The following SNED1 variants were observed in gnomAD, a reference collection of about 807,000 sequenced individuals.
SNED1 encodes the protein sushi, nidogen and EGF like domains 1, also known as sushi, nidogen and EGF-like domain-containing protein 1.
A neutral mutation model predicts 166.7 loss-of-function variants in SNED1; 81 were observed. That is an observed-to-expected ratio of 0.49 (90% confidence interval 0.41 to 0.58). SNED1 has a LOEUF of 0.58. Ranked by LOEUF, SNED1 falls within the 20% of genes least tolerant of loss-of-function variation. The pLI, the probability that SNED1 is intolerant of heterozygous loss-of-function variation, is 0.00. For synonymous variants in SNED1, 762 were observed against 822.0 expected, an observed-to-expected ratio of 0.93 and a Z score of 1.25; for missense variants, 1,604 against 2,000.2, an observed-to-expected ratio of 0.80 and a Z score of 3.78.
At position 241,014,248 on chromosome 2, in the gene SNED1, A is replaced by G. The variant is rs143427966; in HGVS notation, c.213+15198A>G. On this transcript the variant is annotated intron_variant, in intron 1 of 31. Coordinates refer to ENST00000310397, the MANE Select transcript of SNED1 (RefSeq NM_001080437.3). Reference sequence around the variant, plus strand: ...GGTCTCGAACTCCTGGCCTCAGGTGATCTGCCCACCTCAGCCTCTCAAAGG... The same window carrying G: ...GGTCTCGAACTCCTGGCCTCAGGTGGTCTGCCCACCTCAGCCTCTCAAAGG... 3.8e-3 allele frequency among the ~76,000 whole-genome samples: 578 copies of G among 152,192 alleles called. 4 individuals are homozygous for G. The highest frequency in any genetic ancestry group is 0.014 in the African/African-American group (566 of 41,506).
chr2:241,073,794 T>C lies in SNED1; in HGVS notation c.3916+430T>C. On this transcript the variant is annotated intron_variant, in intron 27 of 31. Transcript: ENST00000310397. This position sits in a 1 kb window ranked among gnomAD's most constrained non-coding sequence, Gnocchi z 6.6. Reference sequence around the variant, plus strand: ...ACTGGGCGAGCCCCAGCTTGAGGACTAGCTGGGCCCTGTGGACACTCAGGT... The same window carrying C: ...ACTGGGCGAGCCCCAGCTTGAGGACCAGCTGGGCCCTGTGGACACTCAGGT... The C allele has an allele frequency of 3.4e-6, 1 of 290,662 alleles. No homozygotes were observed. Among genetic ancestry groups the C allele is most frequent in the Non-Finnish European group, 6.4e-6 (1 of 155,254 alleles). The allele number at this position is 290,662 out of a possible 1,614,324, so 18.0% of individuals were successfully genotyped here. A position where few individuals can be genotyped will look rare whatever the true frequency, so the allele number is the denominator to read the frequency against.
intron 4 of SNED1, chr2:241,035,399 GGCA>G (rs2061318075): frequency 6.6e-6 from 1 of 152,286 alleles, no homozygotes; most frequent in African/African-American, 2.4e-5. Context: ...CAGCCAGGGC[GGCA>G]GCAGAGCCAT....
intron 17 of SNED1, chr2:241,063,352 G>A (rs2062304604): frequency 1.4e-5 from 8 of 567,370 alleles, no homozygotes; most frequent in South Asian, 1.1e-4. Context: ...ATTGCGGAGT[G>A]GCCTGGAGGA....
chr2:241,077,530 C>G (rs563995139), intron 27 of SNED1, among the ~76,000 whole-genome samples: 4 of 152,038 alleles, frequency 2.6e-5, no homozygotes, highest in Admixed American at 2.0e-4. Flanking sequence ...ATCAGAGACC[C>G]GCGTCTAAAA....
chr2:241,089,216 T>C, intron 31 of SNED1: 1 of 1,355,698 alleles, frequency 7.4e-7, no homozygotes. Context: ...TGTCACTGCA[T>C]GAAAGATGAA....
At chr2:241,063,251 C>A in intron 17 of SNED1, 1 of 483,288 alleles carries the variant, frequency 2.1e-6, no homozygotes, top group Admixed American at 3.3e-5. Flanking sequence ...CACTCTTGTA[C>A]CTCGCTAGGG....
intron 1 of SNED1, among the ~76,000 whole-genome samples, chr2:241,021,249 C>T (rs1356620780): frequency 6.6e-6 from 1 of 152,222 alleles, no homozygotes; most frequent in Non-Finnish European, 1.5e-5. Flanking sequence ...CAGAGAGGGT[C>T]CAGGCTCAGA....
chr2:241,087,659 G>A, intron 30 of SNED1, 184 bp downstream of exon 30: 3 of 1,397,364 alleles, frequency 2.1e-6, no homozygotes, highest in Non-Finnish European at 2.8e-6. Flanking sequence ...ATGTGCATGT[G>A]AGCATACCCA....
rs1417005786 is a variant in SNED1, at chr2:241,092,171, C to G, written c.*535C>G. The stretch of plus-strand genomic sequence containing the variant: ...GAAAGCCGGGTTGCAGACACAGCCG[C>G]CCCTGCTCTGGTCCTCCAGCGTGTT... On this transcript the variant is annotated 3_prime_UTR_variant, in exon 32 of 32. Transcript: ENST00000310397. The surrounding 1 kb of genome is among the most constrained non-coding windows in gnomAD (Gnocchi z 4.6). 1 of 152,302 alleles carries G rather than the reference C, an allele frequency of 6.6e-6. No homozygotes were observed. The highest frequency in any genetic ancestry group is 1.5e-5 in the Non-Finnish European group (1 of 68,100). 9.4% of individuals were successfully genotyped at this position (152,302 alleles called of 1,614,324 possible).
chr2:241,052,820 C>T (rs1204501155), intron 15 of SNED1, among the ~76,000 whole-genome samples: 1 of 122,926 alleles, frequency 8.1e-6, no homozygotes, highest in Non-Finnish European at 1.6e-5. Flanking sequence ...AAGCAGGGTA[C>T]ATGGGATGCC....
chr2:241,071,628 G>T lies in SNED1; in HGVS notation c.3642G>T (p.Arg1214=). 1 of 1,586,430 alleles carries T rather than the reference G, an allele frequency of 6.3e-7. No individual in the cohort carries two copies. ...GGCACCAGGGAGGACACCACCCTCG[G>T]GTGCTCAAGAACAGACCGCCCCCGG... ...RRWHQGGHHP[R]VLKNRPPPAR... Residue 1214 remains arginine (R), a synonymous_variant, in exon 25 of 32, where the codon CGG becomes CGT. Transcript: ENST00000310397.
intron 1 of SNED1, among the ~76,000 whole-genome samples, chr2:241,003,203 T>C (rs2060126938): frequency 6.8e-6 from 1 of 147,156 alleles, no homozygotes; most frequent in Non-Finnish European, 1.5e-5. Context: ...TCAGCTGGGT[T>C]GCTCCTTAGT....
intron 1 of SNED1, among the ~76,000 whole-genome samples, chr2:241,008,559 G>A (rs541798206): frequency 2.0e-5 from 3 of 152,340 alleles, no homozygotes; most frequent in Admixed American, 6.5e-5. Context: ...TCACACTGCC[G>A]TCTGTCTGCG....
At position 241,048,382 on chromosome 2, in the gene SNED1, G is replaced by A. The variant is rs2061725643; in HGVS notation, c.1341G>A (p.Ala447=). The A allele has an allele frequency of 1.2e-6, 2 of 1,611,948 alleles. No individual in the cohort carries two copies. The highest frequency in any genetic ancestry group is 2.2e-5 in the South Asian group (2 of 90,456). ...ACAATGGGGGCACCTGTGTGGATGC[G>A]GACCAGGGCTACGTGTGCGAGTGCC... ...PCHNGGTCVD[A]DQGYVCECPE... Residue 447 remains alanine, a synonymous_variant, in exon 9 of 32, where the codon GCG becomes GCA. Coordinates refer to ENST00000310397, the MANE Select transcript of SNED1 (RefSeq NM_001080437.3).
At position 241,061,382 on chromosome 2, in the gene SNED1, A is replaced by G. The variant is rs150643549; in HGVS notation, c.2258-1409A>G. ...CCTATACCGGTGAGAATGTGGATCA[A>G]CAAGATTTCTTATGCATTGCTGGCA... is the stretch of plus-strand genomic sequence containing the variant. On this transcript the variant is annotated intron_variant, in intron 16 of 31. Coordinates refer to ENST00000310397, the MANE Select transcript of SNED1 (RefSeq NM_001080437.3). Among the ~76,000 whole-genome samples the G allele has an allele frequency of 4.7e-3, 723 of 152,392 alleles. 2 individuals are homozygous for G. The highest frequency in any genetic ancestry group is 0.016 in the African/African-American group (677 of 41,600).
At chr2:241,084,270 G>A (rs556912911) in intron 29 of SNED1, among the ~76,000 whole-genome samples, 9 of 151,824 alleles carry the variant, frequency 5.9e-5, no homozygotes, top group African/African-American at 2.2e-4. Flanking sequence ...CCGAGTAGCT[G>A]GGATTACAGG....
At chr2:241,061,327 C>A (rs540060712) in intron 16 of SNED1, among the ~76,000 whole-genome samples, 5 of 152,312 alleles carry the variant, frequency 3.3e-5, no homozygotes, top group Non-Finnish European at 1.5e-5. Flanking sequence ...GAGGTACATT[C>A]AGCTGGTAAA....
chr2:241,065,614 G>A lies in SNED1; in HGVS notation c.3010+19G>A. 1 of 1,606,330 alleles carries A rather than the reference G, an allele frequency of 6.2e-7. No homozygotes were observed. Among genetic ancestry groups the A allele is most frequent in the South Asian group, 1.1e-5 (1 of 90,408 alleles). ...CGCACGCGTGAGTGTCCCCGAGCCT[G>A]GCCGTCCCTGCCCAGCCCCTGCCCC... On this transcript the variant is annotated intron_variant, in intron 21 of 31. Transcript: ENST00000310397.
intron 16 of SNED1, among the ~76,000 whole-genome samples, chr2:241,057,380 A>AAAAAAAAAATATATATATATAT (rs377141068): frequency 8.5e-6 from 1 of 118,112 alleles, no homozygotes; most frequent in African/African-American, 3.8e-5. Flanking sequence ...TCCATCTCAA[A>AAAAAAAAAATATATATATATAT]ATATATATAT....
Sources: allele counts gnomAD v4.1 joint callset (sites outside exome capture counted in the v4.1 genomes callset), GRCh38; gene constraint gnomAD v4.1.1; non-coding constraint Gnocchi (gnomAD v3.1); transcripts MANE v1.5; gene names NCBI Gene and HGNC (gene_info 2026-07-23, HGNC 2026-07-21).